CEP85L: variants seen among roughly 807,000 people sequenced by gnomAD.
CEP85L encodes centrosomal protein of 85 kDa-like.
CEP85L carries 60 observed loss-of-function variants against 100.3 expected under a neutral mutation model. The observed-to-expected ratio is 0.60, with a 90% CI of 0.49 to 0.74. The LOEUF (loss-of-function observed/expected upper bound fraction) is 0.74, where lower values mean the gene tolerates loss of function less well. Among genes scored for constraint, CEP85L ranks in the 30% least tolerant of loss-of-function variants. The pLI, the probability that CEP85L is intolerant of heterozygous loss-of-function variation, is 0.00. For synonymous variants in CEP85L, 319 were observed against 322.7 expected (o/e 0.99, Z 0.12); for missense variants, 973 against 936.2 (o/e 1.04, Z -0.51).
intron 5 of CEP85L, among the ~76,000 whole-genome samples, chr6:118,503,445 GT>G (rs1340735727): frequency 2.0e-5 from 3 of 152,072 alleles, no homozygotes; most frequent in Non-Finnish European, 4.4e-5. Context: ...CTGATTCTAA[GT>G]TTATATGAAG....
At chr6:118,599,544 T>C (rs979994815) in intron 2 of CEP85L, among the ~76,000 whole-genome samples, 2 of 152,210 alleles carry the variant, frequency 1.3e-5, no homozygotes, top group Non-Finnish European at 2.9e-5. Context: ...TAGAACTTAG[T>C]GCCTCTAACT....
Position 118,613,630 on chromosome 6 carries a change from A to G in CEP85L, c.232+18823T>C, listed in dbSNP as rs1017256053. On this transcript the variant is annotated intron_variant, in intron 2 of 12. Transcript: ENST00000368491. ...AGATTAGCCCGGCGTGGTGGCACAC[A>G]CCTATAATCCCAGCTACTCGGGAGG... Among the ~76,000 whole-genome samples, 13 of 151,376 alleles carry G rather than the reference A, an allele frequency of 8.6e-5. No individual in the cohort carries two copies. In the South Asian group the frequency reaches 1.3e-3, roughly 15 times the overall value.
At chr6:118,601,590 C>G (rs1186588137) in intron 2 of CEP85L, among the ~76,000 whole-genome samples, 1 of 152,116 alleles carries the variant, frequency 6.6e-6, no homozygotes, top group Non-Finnish European at 1.5e-5. Context: ...AAAGTGAAAG[C>G]AAGTTTATTA....
At chr6:118,637,328 T>C (rs1774556136) in intron 1 of CEP85L, among the ~76,000 whole-genome samples, 1 of 152,168 alleles carries the variant, frequency 6.6e-6, no homozygotes. Context: ...TCTTTCAGTG[T>C]ACTGCCACCT....
intron 5 of CEP85L, among the ~76,000 whole-genome samples, chr6:118,503,101 G>A (rs1417031399): frequency 6.6e-6 from 1 of 152,104 alleles, no homozygotes; most frequent in African/African-American, 2.4e-5. Flanking sequence ...AAGGTTACAG[G>A]ATACAAGGTT....
chr6:118,539,854 A>C (rs1777809684), intron 3 of CEP85L, among the ~76,000 whole-genome samples: 1 of 152,076 alleles, frequency 6.6e-6, no homozygotes, highest in Non-Finnish European at 1.5e-5. Context: ...TACCATTTAC[A>C]TATTACTTTT....
At chr6:118,481,699 A>T (rs1014217815) in intron 8 of CEP85L, 80 bp downstream of exon 8, 1 of 857,894 alleles carries the variant, frequency 1.2e-6, no homozygotes, top group Non-Finnish European at 1.7e-6. Flanking sequence ...ATAAAATAAA[A>T]ATTATAAATT....
At chr6:118,522,251 T>C (rs986228860) in intron 4 of CEP85L, among the ~76,000 whole-genome samples, 1 of 152,064 alleles carries the variant, frequency 6.6e-6, no homozygotes, top group African/African-American at 2.4e-5. Flanking sequence ...TCCCAGCTAC[T>C]TGGGAGGCTG....
At chr6:118,503,631 C>A (rs1775450122) in intron 5 of CEP85L, among the ~76,000 whole-genome samples, 1 of 151,496 alleles carries the variant, frequency 6.6e-6, no homozygotes, top group Non-Finnish European at 1.5e-5. Flanking sequence ...AGAAATAGGA[C>A]ACATAAATAT....
chr6:118,583,198 G>A (rs1488524366), intron 2 of CEP85L, among the ~76,000 whole-genome samples: 1 of 152,132 alleles, frequency 6.6e-6, no homozygotes, highest in African/African-American at 2.4e-5. Flanking sequence ...GACGGGTCCC[G>A]AGGCTTAAAC....
Position 118,709,819 on chromosome 6 carries a change from C to A in CEP85L, c.-28+217G>T, listed in dbSNP as rs1777728933. 2.6e-5 allele frequency among the ~76,000 whole-genome samples: 4 copies of A among 152,120 alleles called. No homozygotes were observed. In the South Asian group the frequency reaches 8.3e-4, roughly 32 times the overall value. ...GCTTATCAGGACTCCAGCAAGGACACCATCATAGCAATCTAGATCCGAGTA... is the reference window on the plus strand; with the variant it reads ...GCTTATCAGGACTCCAGCAAGGACAACATCATAGCAATCTAGATCCGAGTA... On this transcript the variant is annotated intron_variant, in intron 1 of 13. Coordinates refer to the CEP85L transcript ENST00000368488.
At chr6:118,614,877 T>TAGATAGAC (rs1554230866) in intron 2 of CEP85L, among the ~76,000 whole-genome samples, 5 of 110,324 alleles carry the variant, frequency 4.5e-5, no homozygotes, top group African/African-American at 1.4e-4. Context: ...GATAGATAGA[T>TAGATAGAC]AGATAGATAG....
intron 3 of CEP85L, among the ~76,000 whole-genome samples, chr6:118,555,491 T>C (rs1316385935): frequency 6.6e-6 from 1 of 150,498 alleles, no homozygotes; most frequent in Non-Finnish European, 1.5e-5. Flanking sequence ...TCCAATCCAC[T>C]AGATCTACAA....
At chr6:118,516,912 T>C (rs771758838) in intron 4 of CEP85L, among the ~76,000 whole-genome samples, 1 of 152,236 alleles carries the variant, frequency 6.6e-6, no homozygotes, top group African/African-American at 2.4e-5. Flanking sequence ...CCATCTTTAG[T>C]TAATTTTTGT....
At chr6:118,683,875 C>G (rs1304186826) in intron 1 of CEP85L, among the ~76,000 whole-genome samples, 1 of 152,150 alleles carries the variant, frequency 6.6e-6, no homozygotes, top group Non-Finnish European at 1.5e-5. Flanking sequence ...AAAGACTGGG[C>G]CTTTTTTTCT....
chr6:118,575,987 C>T (rs577572711), intron 2 of CEP85L, among the ~76,000 whole-genome samples: 1 of 152,138 alleles, frequency 6.6e-6, no homozygotes, highest in East Asian at 1.9e-4. Flanking sequence ...TTCCCAAGGA[C>T]AACAGCCAGT....
chr6:118,470,962 G>C (rs1008312181), intron 10 of CEP85L, among the ~76,000 whole-genome samples: 1 of 152,054 alleles, frequency 6.6e-6, no homozygotes. Context: ...ATTACAAACA[G>C]TTCTTATTTC....
At chr6:118,521,132 C>G (rs1457545991) in intron 4 of CEP85L, among the ~76,000 whole-genome samples, 1 of 152,138 alleles carries the variant, frequency 6.6e-6, no homozygotes, top group Non-Finnish European at 1.5e-5. Context: ...CACCATATCC[C>G]AAACTAAAAA....
intron 2 of CEP85L, among the ~76,000 whole-genome samples, chr6:118,593,617 C>T (rs1277612320): frequency 6.6e-6 from 1 of 150,596 alleles, no homozygotes; most frequent in Non-Finnish European, 1.5e-5. Context: ...GCCCTACCAA[C>T]ATTGGGGAAT....
Sources: allele counts gnomAD v4.1 joint callset (sites outside exome capture counted in the v4.1 genomes callset), GRCh38; gene constraint gnomAD v4.1.1; transcripts MANE v1.5; gene names NCBI Gene and HGNC (gene_info 2026-07-23, HGNC 2026-07-21).